Variants in IL23R observed in about 807,000 individuals in gnomAD.
IL23R encodes the protein interleukin-23 receptor.
A neutral mutation model predicts 56.9 loss-of-function variants in IL23R; 34 were observed. The observed-to-expected ratio is 0.60, with a 90% CI of 0.45 to 0.80. The LOEUF (loss-of-function observed/expected upper bound fraction) is 0.80, where lower values mean the gene tolerates loss of function less well. Ranked by LOEUF, IL23R falls within the 30% of genes least tolerant of loss-of-function variation. The pLI is 0.00. For synonymous variants in IL23R, 230 were observed against 249.2 expected, an observed-to-expected ratio of 0.92 and a Z score of 0.73; for missense variants, 635 against 730.0, an observed-to-expected ratio of 0.87 and a Z score of 1.50.
chr1:67,233,930 TG>T (rs373183470), intron 7 of IL23R, among the ~76,000 whole-genome samples: 7 of 5,948 alleles, frequency 1.2e-3, no homozygotes, highest in African/African-American at 1.6e-3. Context: ...TCATAAAGGC[TG>T]TGTGTGTGTG....
chr1:67,217,048 A>T (rs1180881234), intron 6 of IL23R, among the ~76,000 whole-genome samples: 1 of 152,214 alleles, frequency 6.6e-6, no homozygotes, highest in Non-Finnish European at 1.5e-5. Context: ...CCATACTGAT[A>T]GTTGGGGAAG....
chr1:67,264,624 G>A (rs1570939682), downstream of IL23R, among the ~76,000 whole-genome samples: 1 of 152,140 alleles, frequency 6.6e-6, no homozygotes, highest in Non-Finnish European at 1.5e-5. Flanking sequence ...TCTAACAAAG[G>A]TTTGACAGAA....
chr1:67,180,738 G>A (rs1254557333), intron 3 of IL23R, among the ~76,000 whole-genome samples: 1 of 152,166 alleles, frequency 6.6e-6, no homozygotes, highest in African/African-American at 2.4e-5. Context: ...AATTTGGCAC[G>A]TTTTTGCAGT....
At chr1:67,203,107 A>G (rs925037662) in intron 5 of IL23R, among the ~76,000 whole-genome samples, 1 of 152,100 alleles carries the variant, frequency 6.6e-6, no homozygotes, top group African/African-American at 2.4e-5. Context: ...TAGGAACTAA[A>G]TAATAATAAT....
chr1:67,222,317 A>G (rs1650333168), intron 7 of IL23R, among the ~76,000 whole-genome samples: 1 of 151,696 alleles, frequency 6.6e-6, no homozygotes, highest in Non-Finnish European at 1.5e-5. Context: ...GGGTTTCACC[A>G]TGGTGGGCAG....
intron 3 of IL23R, among the ~76,000 whole-genome samples, chr1:67,170,082 C>T (rs915323429): frequency 1.3e-5 from 2 of 152,108 alleles, no homozygotes; most frequent in Non-Finnish European, 2.9e-5. Flanking sequence ...TGAAGCAGAT[C>T]CCATTGAGAA....
At chr1:67,160,803 T>C (rs1646811757) in intron 1 of IL23R, among the ~76,000 whole-genome samples, 1 of 152,122 alleles carries the variant, frequency 6.6e-6, no homozygotes, top group Non-Finnish European at 1.5e-5. Flanking sequence ...TGCCTCAGCC[T>C]CCTGAGAAGC....
At chr1:67,251,451 C>A (rs200035461) in intron 9 of IL23R, among the ~76,000 whole-genome samples, 2,152 of 127,126 alleles carry the variant, frequency 0.017, no homozygotes, top group Middle Eastern at 0.027. Context: ...GACTCTGTCT[C>A]AAAAAAAAAA....
rs1413509552 is a variant in IL23R at position 67,255,934 on chromosome 1, T to A, written c.1239+7T>A. The A allele has an allele frequency of 1.3e-6, 2 of 1,554,598 alleles. No homozygotes were observed. The highest frequency in any genetic ancestry group is 1.8e-6 in the Non-Finnish European group (2 of 1,126,460). The stretch of plus-strand genomic sequence containing the variant: ...TGTTGTGAAAATGCTACAGGTAACC[T>A]AACATCATCCAACAAAAACTGAGTG... On this transcript the variant is annotated splice_region_variant and intron_variant, in intron 10 of 10. Coordinates refer to ENST00000347310, the MANE Select transcript of IL23R (RefSeq NM_144701.3).
At chr1:67,263,163 A>T (rs1156370042), downstream of IL23R, among the ~76,000 whole-genome samples, 4 of 122,534 alleles carry the variant, frequency 3.3e-5, no homozygotes, top group African/African-American at 1.3e-4. Flanking sequence ...GCACAATCAC[A>T]GCTCACCACA....
At chr1:67,175,306 C>T (rs189013450) in intron 3 of IL23R, among the ~76,000 whole-genome samples, 12 of 152,100 alleles carry the variant, frequency 7.9e-5, no homozygotes, top group Admixed American at 6.6e-4. Context: ...TGCATGAATA[C>T]CAAACTTTAA....
chr1:67,185,956 T>C (rs1411175708), intron 4 of IL23R, among the ~76,000 whole-genome samples: 1 of 152,146 alleles, frequency 6.6e-6, no homozygotes, highest in African/African-American at 2.4e-5. Flanking sequence ...ATTGTTCCCA[T>C]TTTACAGATG....
chr1:67,168,955 T>C (rs926655776), intron 2 of IL23R, among the ~76,000 whole-genome samples: 3 of 149,458 alleles, frequency 2.0e-5, no homozygotes, highest in African/African-American at 7.4e-5. Flanking sequence ...AGGTCAGGAG[T>C]TCAAGATCAG....
At chr1:67,240,034 G>A (rs1420325400) in intron 8 of IL23R, 145 bp from the exon 9 acceptor site, 2 of 676,548 alleles carry the variant, frequency 3.0e-6, no homozygotes, top group African/African-American at 3.6e-5. Context: ...CAGTCACTCT[G>A]TGGCCTAAAG....
chr1:67,210,239 G>T (rs1263036630), intron 6 of IL23R, among the ~76,000 whole-genome samples: 2 of 152,070 alleles, frequency 1.3e-5, no homozygotes, highest in East Asian at 3.8e-4. Context: ...ATAGCTGCAA[G>T]GTTCATTAAT....
intron 7 of IL23R, among the ~76,000 whole-genome samples, chr1:67,227,153 A>G (rs1243489618): frequency 2.0e-5 from 3 of 152,250 alleles, no homozygotes; most frequent in Non-Finnish European, 2.9e-5. Context: ...ACAATTTGTC[A>G]TTGTAGAAAA....
rs143314844 is a variant in IL23R at position 67,194,001 on chromosome 1, T to G, written c.492-6736T>G. On this transcript the variant is annotated intron_variant, in intron 4 of 10. Coordinates refer to ENST00000347310, the MANE Select transcript of IL23R (RefSeq NM_144701.3). ...GGTTTGATTAACTTGCTAGAGTGTC[T>G]CATAGAACTCAGGAAGACACTTTAC... 2.9e-3 allele frequency among the ~76,000 whole-genome samples: 443 copies of G among 152,312 alleles called. 3 individuals carry two copies. The highest frequency in any genetic ancestry group is 0.01 in the African/African-American group (420 of 41,572).
chr1:67,259,438 A>C lies in IL23R; in HGVS notation c.*310A>C. On this transcript the variant is annotated 3_prime_UTR_variant, in exon 11 of 11. Coordinates refer to ENST00000347310, the MANE Select transcript of IL23R (RefSeq NM_144701.3). Reference sequence around the variant, plus strand: ...TTAATTTTAGCCATTCTTCTGCCTCATTTCTTAAAATTAGAGAATTAAGGT... The same window carrying C: ...TTAATTTTAGCCATTCTTCTGCCTCCTTTCTTAAAATTAGAGAATTAAGGT... 1 of 355,210 alleles carries C rather than the reference A, an allele frequency of 2.8e-6. No individual in the cohort carries two copies. The highest frequency in any genetic ancestry group is 5.2e-6 in the Non-Finnish European group (1 of 192,062). The allele number at this position is 355,210 out of a possible 1,614,324, so 22.0% of individuals were successfully genotyped here. A position where few individuals can be genotyped will look rare whatever the true frequency, so the allele number is the denominator to read the frequency against.
chr1:67,173,500 G>A (rs899369953), intron 3 of IL23R, among the ~76,000 whole-genome samples: 5 of 152,026 alleles, frequency 3.3e-5, no homozygotes, highest in Admixed American at 2.0e-4. Flanking sequence ...ACTCCAAAAT[G>A]ATTTAAATTT....
Sources: gnomAD v4.1 joint callset for allele counts (sites outside exome capture counted in the v4.1 genomes callset) on GRCh38, gnomAD v4.1.1 for gene constraint, MANE v1.5 for transcripts, NCBI Gene and HGNC (gene_info 2026-07-23, HGNC 2026-07-21) for gene names.